The following FRMD6 variants were observed in gnomAD, a reference collection of about 807,000 sequenced individuals.
The protein encoded by FRMD6 is FERM domain containing 6.
A neutral mutation model predicts 73.2 loss-of-function variants in FRMD6; 37 were observed. The observed-to-expected ratio is 0.51, with a 90% confidence interval of 0.39 to 0.66. The LOEUF (loss-of-function observed/expected upper bound fraction) is 0.66, where lower values mean the gene tolerates loss of function less well. FRMD6 is among the 30% of genes least tolerant of loss of function. The pLI, the probability that FRMD6 is intolerant of heterozygous loss-of-function variation, is 0.00. For synonymous variants in FRMD6, 273 were observed against 282.2 expected, an observed-to-expected ratio of 0.97 and a Z score of 0.33; for missense variants, 714 against 780.5, an observed-to-expected ratio of 0.91 and a Z score of 1.02.
Position 51,492,135 on chromosome 14 carries a change from A to G in FRMD6, c.-210+2715A>G, listed in dbSNP as rs114941744. Among the ~76,000 whole-genome samples the G allele has an allele frequency of 4.5e-3, 684 of 152,166 alleles. 7 individuals carry two copies. Among genetic ancestry groups the G allele is most frequent in the African/African-American group, 0.016 (657 of 41,552 alleles). Reference sequence around the variant, plus strand: ...ACAGAGTCCTGCTTTAAGAGGAGTCAGGAAGTGTCCACACTTGTTCTTTTC... The same window carrying G: ...ACAGAGTCCTGCTTTAAGAGGAGTCGGGAAGTGTCCACACTTGTTCTTTTC... On this transcript the variant is annotated intron_variant, in intron 1 of 14. Coordinates refer to the FRMD6 transcript ENST00000356218.
chr14:51,430,375 C>T, the FRMD6 span, among the ~76,000 whole-genome samples: 1 of 152,158 alleles, frequency 6.6e-6, no homozygotes, highest in Admixed American at 6.5e-5. Flanking sequence ...TGACCTTTCC[C>T]AAAGTATTCT....
At chr14:51,659,969 C>G (rs1893099231) in intron 1 of FRMD6, among the ~76,000 whole-genome samples, 1 of 152,174 alleles carries the variant, frequency 6.6e-6, no homozygotes, top group African/African-American at 2.4e-5. Flanking sequence ...ACATTTTCAT[C>G]TAACTAGCCT....
At chr14:51,420,882 T>G in the FRMD6 span, among the ~76,000 whole-genome samples, 1 of 152,178 alleles carries the variant, frequency 6.6e-6, no homozygotes, top group South Asian at 2.1e-4. Context: ...CAAGTGATTC[T>G]TCTGCCTCAG....
intron 1 of FRMD6, among the ~76,000 whole-genome samples, chr14:51,556,525 G>A (rs192032273): frequency 3.1e-3 from 475 of 152,270 alleles, no homozygotes; most frequent in Non-Finnish European, 5.0e-3. Flanking sequence ...GCTCAGTCAA[G>A]TTTGTCTTCC....
intron 2 of FRMD6, among the ~76,000 whole-genome samples, chr14:51,593,692 G>A (rs1365168235): frequency 6.6e-6 from 1 of 152,126 alleles, no homozygotes; most frequent in East Asian, 1.9e-4. Flanking sequence ...CTTCTCTGCT[G>A]GAGTTCGTGG....
At chr14:51,703,194 C>T (rs934228614) in intron 5 of FRMD6, among the ~76,000 whole-genome samples, 1 of 151,680 alleles carries the variant, frequency 6.6e-6, no homozygotes. Context: ...TGTGCATGAA[C>T]AGTAGTAGGC....
At chr14:51,655,786 A>C (rs565300469) in intron 1 of FRMD6, among the ~76,000 whole-genome samples, 7 of 152,212 alleles carry the variant, frequency 4.6e-5, no homozygotes, top group Non-Finnish European at 8.8e-5. Flanking sequence ...TCTGTATACA[A>C]ACTTGAAATA....
At chr14:51,520,246 A>G (rs939128399) in intron 1 of FRMD6, among the ~76,000 whole-genome samples, 3 of 152,248 alleles carry the variant, frequency 2.0e-5, no homozygotes, top group African/African-American at 7.2e-5. Flanking sequence ...TTAGTCATCG[A>G]GGAAACACAA....
upstream of FRMD6, among the ~76,000 whole-genome samples, chr14:51,488,818 A>G (rs1328890436): frequency 6.6e-6 from 1 of 152,210 alleles, no homozygotes; most frequent in Non-Finnish European, 1.5e-5. Context: ...ATCCCTAACC[A>G]GTGATCCCAT....
the FRMD6 span, among the ~76,000 whole-genome samples, chr14:51,478,257 C>A: frequency 6.6e-6 from 1 of 152,296 alleles, no homozygotes; most frequent in Admixed American, 6.5e-5. Context: ...TCCTAATAAG[C>A]TGAGGCTTTA....
chr14:51,412,360 T>C, the FRMD6 span, among the ~76,000 whole-genome samples: 1 of 152,300 alleles, frequency 6.6e-6, no homozygotes, highest in East Asian at 1.9e-4. Context: ...TTTTAGAAGA[T>C]TTATTTGCCA....
At chr14:51,535,990 A>G (rs1885861563) in intron 1 of FRMD6, among the ~76,000 whole-genome samples, 1 of 150,526 alleles carries the variant, frequency 6.6e-6, no homozygotes, top group Non-Finnish European at 1.5e-5. Flanking sequence ...ACATCTTGTC[A>G]TCTGTTTATT....
At chr14:51,677,773 C>CT (rs1894498684) in intron 1 of FRMD6, among the ~76,000 whole-genome samples, 1 of 152,110 alleles carries the variant, frequency 6.6e-6, no homozygotes, top group African/African-American at 2.4e-5. Context: ...GATGTGGGCC[C>CT]TAGGTGGCTT....
the FRMD6 span, among the ~76,000 whole-genome samples, chr14:51,428,998 AGAGAGAGGGGAGAGAGAGGGTGG>A: frequency 5.4e-5 from 7 of 128,802 alleles, no homozygotes; most frequent in South Asian, 5.9e-4. Flanking sequence ...AGAGGGTGGG[AGAGAGAGGGGAGAGAGAGGGTGG>A]GAGAGAGAGG....
At chr14:51,476,947 G>C in the FRMD6 span, among the ~76,000 whole-genome samples, 6 of 152,166 alleles carry the variant, frequency 3.9e-5, no homozygotes, top group East Asian at 5.8e-4. Flanking sequence ...CAGTAAAGTA[G>C]AACACAAATT....
At chr14:51,715,135 GA>G (rs1444059424) in intron 9 of FRMD6, 189 bp from the exon 10 acceptor site, 10 of 453,340 alleles carry the variant, frequency 2.2e-5, no homozygotes, top group Admixed American at 2.0e-4. Context: ...ATGCTTTCCT[GA>G]ATTTCTGGTC....
intron 2 of FRMD6, among the ~76,000 whole-genome samples, chr14:51,636,609 A>G (rs777943178): frequency 2.6e-5 from 4 of 152,236 alleles, no homozygotes; most frequent in African/African-American, 7.2e-5. Context: ...ATTAAAAACT[A>G]TAAAATGCTG....
upstream of FRMD6, among the ~76,000 whole-genome samples, chr14:51,487,873 G>C (rs148138147): frequency 1.7e-3 from 255 of 152,310 alleles, 1 homozygote; most frequent in African/African-American, 5.9e-3. Context: ...GGTATAGAGG[G>C]AAGTAGGAAG....
intron 1 of FRMD6, among the ~76,000 whole-genome samples, chr14:51,666,765 G>A (rs1022798738): frequency 6.6e-6 from 1 of 152,158 alleles, no homozygotes; most frequent in Non-Finnish European, 1.5e-5. Flanking sequence ...TATAGCTCTA[G>A]AATTTATTGT....
Sources: allele counts gnomAD v4.1 joint callset (sites outside exome capture counted in the v4.1 genomes callset), GRCh38; gene constraint gnomAD v4.1.1; transcripts MANE v1.5; gene names NCBI Gene and HGNC (gene_info 2026-07-23, HGNC 2026-07-21).